The following TENM4 variants were observed in gnomAD, a reference collection of about 807,000 sequenced individuals.
TENM4 encodes the protein teneurin transmembrane protein 4.
In TENM4, 82 loss-of-function variants were observed where a neutral mutation model predicts 243.3. The ratio of observed to expected loss-of-function variants is 0.34; its 90% CI spans 0.28 to 0.40. TENM4 has a LOEUF of 0.40. TENM4 is among the 10% of genes least tolerant of loss of function. TENM4 has a pLI of 1.00. For synonymous variants in TENM4, 1,412 were observed against 1,456.3 expected (o/e 0.97, Z 0.69); for missense variants, 3,138 against 3,673.3 (o/e 0.85, Z 3.77).
At chr11:79,183,795 G>C (rs2135145724) in intron 3 of TENM4, among the ~76,000 whole-genome samples, 1 of 152,266 alleles carries the variant, frequency 6.6e-6, no homozygotes, top group Middle Eastern at 3.4e-3. Flanking sequence ...ATGAATGAAT[G>C]AATGACTCAC....
chr11:79,335,078 T>G (rs1857125464), intron 1 of TENM4, among the ~76,000 whole-genome samples: 2 of 152,252 alleles, frequency 1.3e-5, no homozygotes, highest in African/African-American at 4.8e-5. Context: ...CTTGCCTTGA[T>G]AACAACACTT....
chr11:79,316,732 T>G (rs1029544455), intron 1 of TENM4, among the ~76,000 whole-genome samples: 1 of 152,066 alleles, frequency 6.6e-6, no homozygotes, highest in African/African-American at 2.4e-5. Flanking sequence ...CAGGCAAGAG[T>G]GCCTGTGGAT....
intron 6 of TENM4, among the ~76,000 whole-genome samples, chr11:78,963,387 C>T (rs548142021): frequency 6.6e-6 from 1 of 152,298 alleles, no homozygotes; most frequent in African/African-American, 2.4e-5. Flanking sequence ...TGCAGTACAT[C>T]GTCTATAAGA....
chr11:78,881,442 C>T (rs2136273679), intron 9 of TENM4, among the ~76,000 whole-genome samples: 1 of 152,238 alleles, frequency 6.6e-6, no homozygotes, highest in East Asian at 1.9e-4. Context: ...CGCCATGCCT[C>T]TATTGAAGAC....
At chr11:78,870,806 G>C (rs1418817303) in intron 9 of TENM4, among the ~76,000 whole-genome samples, 3 of 152,214 alleles carry the variant, frequency 2.0e-5, no homozygotes, top group African/African-American at 7.2e-5. Context: ...CACCAATACA[G>C]AGGAGGAATG....
chr11:78,745,130 A>G (rs2135923495), intron 19 of TENM4, among the ~76,000 whole-genome samples: 1 of 152,312 alleles, frequency 6.6e-6, no homozygotes, highest in East Asian at 1.9e-4. Context: ...ACACGCATAC[A>G]AACAATTATG....
chr11:78,708,337 C>G, intron 27 of TENM4, 24 bp downstream of exon 27: 1 of 1,613,220 alleles, frequency 6.2e-7, no homozygotes, highest in South Asian at 1.1e-5. Context: ...AGTCCCAGGG[C>G]TTTGGTAGAT....
intron 1 of TENM4, among the ~76,000 whole-genome samples, chr11:79,312,103 G>A (rs1218414545): frequency 6.6e-6 from 1 of 152,080 alleles, no homozygotes; most frequent in Non-Finnish European, 1.5e-5. Flanking sequence ...CCCTCCTCCA[G>A]GAAGCTTCCC....
chr11:78,921,163 G>A (rs1426574912), intron 6 of TENM4, among the ~76,000 whole-genome samples: 2 of 152,208 alleles, frequency 1.3e-5, no homozygotes, highest in African/African-American at 2.4e-5. Flanking sequence ...GTATGTTACA[G>A]GGATCCAGAA....
intron 6 of TENM4, among the ~76,000 whole-genome samples, chr11:78,937,827 G>A (rs1856817715): frequency 6.6e-6 from 1 of 152,090 alleles, no homozygotes; most frequent in Non-Finnish European, 1.5e-5. Context: ...TGCACTTTTT[G>A]GTCTCTGTTT....
intron 4 of TENM4, among the ~76,000 whole-genome samples, chr11:79,078,490 G>T (rs751135529): frequency 1.6e-4 from 24 of 152,144 alleles, no homozygotes; most frequent in Non-Finnish European, 4.4e-5. Context: ...ACCAAGTATT[G>T]TGTTGGGCTT....
chr11:79,308,572 C>T (rs1856665256), intron 1 of TENM4, among the ~76,000 whole-genome samples: 1 of 152,196 alleles, frequency 6.6e-6, no homozygotes, highest in Non-Finnish European at 1.5e-5. Flanking sequence ...TGGTAACTTT[C>T]AGTTATTTTT....
At position 78,699,699 on chromosome 11, in the gene TENM4, T is replaced by C. The variant is rs1309685863; in HGVS notation, c.5087+1827A>G. 5.3e-5 allele frequency among the ~76,000 whole-genome samples: 8 copies of C among 152,204 alleles called. No homozygotes were observed. In the East Asian group the frequency reaches 1.5e-3, roughly 29 times the overall value. ...TCACTAAACATCAACTATAGCTGTA[T>C]ATTTCATCAAGGAAAGAAAGGGAGG... On this transcript the variant is annotated intron_variant, in intron 28 of 33. Coordinates refer to ENST00000278550, the MANE Select transcript of TENM4 (RefSeq NM_001098816.3).
intron 6 of TENM4, among the ~76,000 whole-genome samples, chr11:78,952,934 T>C (rs1255737569): frequency 1.3e-5 from 2 of 152,168 alleles, no homozygotes; most frequent in Non-Finnish European, 2.9e-5. Flanking sequence ...CACTGGGGCA[T>C]CTGAAGAAGG....
chr11:78,798,007 C>T (rs911176149), intron 15 of TENM4, among the ~76,000 whole-genome samples: 6 of 152,232 alleles, frequency 3.9e-5, no homozygotes, highest in African/African-American at 1.4e-4. Context: ...ATTCTAGCTA[C>T]ACAAATGAGA....
At position 78,655,121 on chromosome 11, in the gene TENM4, G is replaced by A. The variant is rs967406628; in HGVS notation, c.*2937C>T. The A allele has an allele frequency of 2.6e-5, 4 of 152,218 alleles. No homozygotes were observed. The highest frequency in any genetic ancestry group is 9.7e-5 in the African/African-American group (4 of 41,436). 9.4% of individuals were successfully genotyped at this position (152,218 alleles called of 1,614,324 possible). A position where few individuals can be genotyped will look rare whatever the true frequency, so the allele number is the denominator to read the frequency against. ...ACACTCACCCTTGCCATGGGTTTGT[G>A]ACTGCTGGTCTTAGCAGGAGGACAG... On this transcript the variant is annotated 3_prime_UTR_variant, in exon 34 of 34. Transcript: ENST00000278550.
intron 3 of TENM4, among the ~76,000 whole-genome samples, chr11:79,172,569 T>A (rs1863069367): frequency 6.6e-6 from 1 of 152,160 alleles, no homozygotes; most frequent in African/African-American, 2.4e-5. Flanking sequence ...CACGTGGCCT[T>A]CTCCTTTGTG....
intron 6 of TENM4, among the ~76,000 whole-genome samples, chr11:79,021,186 A>G (rs1180822724): frequency 6.6e-6 from 1 of 152,162 alleles, no homozygotes; most frequent in Non-Finnish European, 1.5e-5. Context: ...CCTCATCACA[A>G]CTAAACTTGA....
intron 18 of TENM4, among the ~76,000 whole-genome samples, chr11:78,768,099 G>A (rs1168963098): frequency 6.6e-6 from 1 of 152,204 alleles, no homozygotes; most frequent in African/African-American, 2.4e-5. Context: ...GGCCAATGAG[G>A]ATAACCCTTA....
Sources: gnomAD v4.1 joint callset for allele counts (sites outside exome capture counted in the v4.1 genomes callset) on GRCh38, gnomAD v4.1.1 for gene constraint, MANE v1.5 for transcripts, NCBI Gene and HGNC (gene_info 2026-07-23, HGNC 2026-07-21) for gene names.